KIF26B: variants seen among roughly 807,000 people sequenced by gnomAD.
KIF26B encodes kinesin-like protein KIF26B.
Under a neutral mutation model 151.2 loss-of-function variants are expected in KIF26B, and 63 were observed. That is an observed-to-expected ratio of 0.42 (90% CI 0.34 to 0.51). KIF26B has a LOEUF of 0.51. KIF26B is among the 20% of genes least tolerant of loss of function. KIF26B has a pLI of 0.07. For missense variants in KIF26B, 2,813 were observed against 2,913.6 expected (o/e 0.97, Z 0.79); for synonymous variants, 1,357 against 1,262.1 (o/e 1.08, Z -1.59).
intron 5 of KIF26B, among the ~76,000 whole-genome samples, chr1:245,545,345 G>C (rs1661721472): frequency 6.6e-6 from 1 of 152,056 alleles, no homozygotes. Flanking sequence ...CCAGTGATCT[G>C]CCCACCTCGG....
chr1:245,627,399 G>A (rs2043735187), intron 9 of KIF26B, among the ~76,000 whole-genome samples: 1 of 152,138 alleles, frequency 6.6e-6, no homozygotes, highest in Non-Finnish European at 1.5e-5. Flanking sequence ...GCTCCTGAAT[G>A]AGTCCTGGGT....
At chr1:245,561,991 G>A (rs529329511) in intron 5 of KIF26B, among the ~76,000 whole-genome samples, 2 of 152,168 alleles carry the variant, frequency 1.3e-5, no homozygotes, top group African/African-American at 2.4e-5. Context: ...ACTCTTCAGT[G>A]GTTTCTCCCA....
At chr1:245,579,740 T>C (rs982741646) in intron 5 of KIF26B, among the ~76,000 whole-genome samples, 10 of 151,630 alleles carry the variant, frequency 6.6e-5, no homozygotes, top group Non-Finnish European at 1.5e-4. Flanking sequence ...CCCAGCTGCT[T>C]GGGAGGCTGA....
intron 2 of KIF26B, among the ~76,000 whole-genome samples, chr1:245,168,160 T>A (rs924483646): frequency 1.3e-5 from 2 of 152,214 alleles, no homozygotes; most frequent in African/African-American, 4.8e-5. Context: ...GGGAGTCCAC[T>A]CCGTGAACCC....
intron 2 of KIF26B, among the ~76,000 whole-genome samples, chr1:245,331,210 G>C (rs149196393): frequency 2.0e-5 from 3 of 152,062 alleles, no homozygotes; most frequent in Non-Finnish European, 4.4e-5. Flanking sequence ...GACATGGATC[G>C]CGCTCTTGCC....
chr1:245,265,688 A>G (rs2102960236), intron 2 of KIF26B, among the ~76,000 whole-genome samples: 1 of 152,032 alleles, frequency 6.6e-6, no homozygotes, highest in Middle Eastern at 3.4e-3. Flanking sequence ...CCCAGGCTCA[A>G]ATCGTCCTCC....
At chr1:245,459,476 T>C (rs954940069) in intron 4 of KIF26B, among the ~76,000 whole-genome samples, 19 of 152,204 alleles carry the variant, frequency 1.2e-4, no homozygotes, top group Non-Finnish European at 1.2e-4. Context: ...CTTACCTGTG[T>C]TCAGCCTTAT....
At chr1:245,289,629 T>A (rs1026876847) in intron 2 of KIF26B, among the ~76,000 whole-genome samples, 3 of 152,174 alleles carry the variant, frequency 2.0e-5, no homozygotes, top group Non-Finnish European at 4.4e-5. Flanking sequence ...TTTTCCTTTC[T>A]CATCCATCTG....
rs576183812 is a variant in KIF26B at position 245,156,665 on chromosome 1, G to C, written c.447G>C (p.Pro149=). Residue 149 remains proline (P), a synonymous_variant, in exon 2 of 15, where the codon CCG becomes CCC. Coordinates refer to ENST00000407071, the MANE Select transcript of KIF26B (RefSeq NM_018012.4). ...LKRQALRLLL[P]GPFPGKDPAF... Reference sequence around the variant, plus strand: ...GGCAGGCCCTGAGGTTGCTCCTCCCGGGGCCCTTCCCGGGCAAGGTGAGCG... The same window carrying C: ...GGCAGGCCCTGAGGTTGCTCCTCCCCGGGCCCTTCCCGGGCAAGGTGAGCG... The C allele has an allele frequency of 3.3e-4, 498 of 1,501,656 alleles. 1 individual carries two copies. In the African/African-American group the frequency reaches 6.3e-3, roughly 19 times the overall value. The allele number at this position is 1,501,656 out of a possible 1,614,324, so 93.0% of individuals were successfully genotyped here. A position where few individuals can be genotyped will look rare whatever the true frequency, so the allele number is the denominator to read the frequency against.
chr1:245,499,808 T>C (rs1407170988), intron 4 of KIF26B, among the ~76,000 whole-genome samples: 1 of 152,178 alleles, frequency 6.6e-6, no homozygotes, highest in African/African-American at 2.4e-5. Flanking sequence ...GGTTTGTGCT[T>C]GTGGTATTCA....
Position 245,597,682 on chromosome 1 carries a change from C to T in KIF26B, c.1351-4895C>T, listed in dbSNP as rs1016420231. 4.6e-5 allele frequency among the ~76,000 whole-genome samples: 7 copies of T among 152,128 alleles called. No individual in the cohort carries two copies. Among genetic ancestry groups the T allele is most frequent in the Non-Finnish European group, 8.8e-5 (6 of 68,038 alleles). On this transcript the variant is annotated intron_variant, in intron 5 of 14. Coordinates refer to ENST00000407071, the MANE Select transcript of KIF26B (RefSeq NM_018012.4). The surrounding 1 kb of genome is among the most constrained non-coding windows in gnomAD (Gnocchi z 4.6). ...TGAATTTAAATGTTGGCCTGTCCTGCTAGTTTGAGGAAATTCTCCTGGATA... is the reference window on the plus strand; with the variant it reads ...TGAATTTAAATGTTGGCCTGTCCTGTTAGTTTGAGGAAATTCTCCTGGATA...
intron 2 of KIF26B, among the ~76,000 whole-genome samples, chr1:245,202,990 C>T (rs901565499): frequency 6.6e-6 from 1 of 150,458 alleles, no homozygotes; most frequent in Non-Finnish European, 1.5e-5. Context: ...CGCGGTGGCT[C>T]ATGCCTGTAA....
chr1:245,654,096 G>C (rs555336430), intron 10 of KIF26B, among the ~76,000 whole-genome samples: 2 of 152,286 alleles, frequency 1.3e-5, no homozygotes, highest in African/African-American at 4.8e-5. Flanking sequence ...ACAGACCCGA[G>C]GGGCAGGGCT....
rs575375022 is a variant in KIF26B, at chr1:245,682,113, C to T, written c.2259-2120C>T. 5.6e-4 allele frequency among the ~76,000 whole-genome samples: 85 copies of T among 152,252 alleles called. 1 individual carries two copies. The highest frequency in any genetic ancestry group is 4.6e-3 in the South Asian group (22 of 4,818). On this transcript the variant is annotated intron_variant, in intron 10 of 14. Coordinates refer to ENST00000407071, the MANE Select transcript of KIF26B (RefSeq NM_018012.4). Reference sequence around the variant, plus strand: ...ACAAAAAATTAGCTGGGTGTGGTGGCGCGTGCCTGTAGTCCCAGCTACTCC... The same window carrying T: ...ACAAAAAATTAGCTGGGTGTGGTGGTGCGTGCCTGTAGTCCCAGCTACTCC...
chr1:245,596,099 C>A (rs1292777789), intron 5 of KIF26B, among the ~76,000 whole-genome samples: 13 of 152,022 alleles, frequency 8.6e-5, no homozygotes, highest in Non-Finnish European at 1.5e-4. Flanking sequence ...ATAATCTTTT[C>A]AAAAAACCAG....
chr1:245,640,717 C>G (rs544880977), intron 9 of KIF26B, among the ~76,000 whole-genome samples: 1 of 152,092 alleles, frequency 6.6e-6, no homozygotes, highest in Admixed American at 6.5e-5. Context: ...ACAAAAACAT[C>G]CTGTAATTAT....
At chr1:245,382,289 A>T (rs1381052373) in intron 3 of KIF26B, among the ~76,000 whole-genome samples, 2 of 152,046 alleles carry the variant, frequency 1.3e-5, no homozygotes, top group Admixed American at 6.5e-5. Flanking sequence ...TGTGGTGTGG[A>T]TCTGCGTTTC....
chr1:245,397,404 T>G (rs1572041498), intron 3 of KIF26B, among the ~76,000 whole-genome samples: 1 of 152,026 alleles, frequency 6.6e-6, no homozygotes, highest in South Asian at 2.1e-4. Context: ...TTAGTAGAAA[T>G]GGTGTTTCAC....
At chr1:245,388,451 T>C (rs1289448708) in intron 3 of KIF26B, among the ~76,000 whole-genome samples, 2 of 152,244 alleles carry the variant, frequency 1.3e-5, no homozygotes, top group Non-Finnish European at 2.9e-5. Flanking sequence ...CCAGTCCTGA[T>C]TGGGCCAGAT....
Sources: allele counts gnomAD v4.1 joint callset (sites outside exome capture counted in the v4.1 genomes callset), GRCh38; gene constraint gnomAD v4.1.1; non-coding constraint Gnocchi (gnomAD v3.1); transcripts MANE v1.5; gene names NCBI Gene and HGNC (gene_info 2026-07-23, HGNC 2026-07-21).